The following TRAM1 variants were observed in gnomAD, a reference collection of about 807,000 sequenced individuals.
TRAM1 encodes translocating chain-associated membrane protein 1.
In TRAM1, 17 loss-of-function variants were observed where a neutral mutation model predicts 48.7. The observed-to-expected ratio is 0.35, with a 90% CI of 0.24 to 0.52. The LOEUF is 0.52. Ranked by LOEUF, TRAM1 falls within the 20% of genes least tolerant of loss-of-function variation. TRAM1 has a pLI of 0.94. For synonymous variants in TRAM1, 182 were observed against 154.0 expected (o/e 1.18, Z -1.34); for missense variants, 351 against 441.5 (o/e 0.79, Z 1.84).
At chr8:70,596,215 A>C (rs775610582) in intron 5 of TRAM1, 48 bp downstream of exon 5, 1 of 1,431,898 alleles carries the variant, frequency 7.0e-7, no homozygotes, top group South Asian at 1.4e-5. Context: ...ATTAATAGTG[A>C]CATGACCATG....
chr8:70,582,605 T>C (rs1432131464), intron 10 of TRAM1, among the ~76,000 whole-genome samples: 3 of 151,306 alleles, frequency 2.0e-5, no homozygotes, highest in African/African-American at 7.3e-5. Context: ...GGACATACTC[T>C]AAAAACTTCC....
intron 4 of TRAM1, among the ~76,000 whole-genome samples, chr8:70,597,553 C>T (rs1484830394): frequency 6.6e-6 from 1 of 150,440 alleles, no homozygotes; most frequent in Non-Finnish European, 1.5e-5. Context: ...GTCTGTAGTC[C>T]CAGCTACTTG....
chr8:70,586,778 A>C (rs1005472430), intron 8 of TRAM1, 117 bp downstream of exon 8: 1 of 800,882 alleles, frequency 1.2e-6, no homozygotes, highest in Middle Eastern at 2.8e-4. Context: ...TTTTATTTAA[A>C]GCGGCTACTG....
At chr8:70,593,939 T>C (rs1817424550) in intron 6 of TRAM1, among the ~76,000 whole-genome samples, 1 of 152,174 alleles carries the variant, frequency 6.6e-6, no homozygotes, top group Admixed American at 6.5e-5. Flanking sequence ...AAGGAGGATT[T>C]TGCAGTGCTC....
At chr8:70,589,089 T>C (rs1817292141) in intron 6 of TRAM1, among the ~76,000 whole-genome samples, 1 of 152,174 alleles carries the variant, frequency 6.6e-6, no homozygotes, top group Admixed American at 6.5e-5. Context: ...AGTTTTGAAA[T>C]GGAAAACTCT....
Position 70,607,706 on chromosome 8 carries a change from G to A in TRAM1, c.123+371C>T, listed in dbSNP as rs538967931. The A allele has an allele frequency of 5.6e-4, 92 of 165,008 alleles. 1 individual carries two copies. The South Asian group carries it at 9.3e-3, about 17-fold the overall frequency. 10.2% of individuals were successfully genotyped at this position (165,008 alleles called of 1,614,324 possible). A position where few individuals can be genotyped will look rare whatever the true frequency, so the allele number is the denominator to read the frequency against. On this transcript the variant is annotated intron_variant, in intron 1 of 10. Coordinates refer to ENST00000262213, the MANE Select transcript of TRAM1 (RefSeq NM_014294.6). ...CCACCCGCCCCGAGCCAGCTCGGCA[G>A]CGCAGGGGCCGCCCCCGCCCGCAGG...
intron 1 of TRAM1, among the ~76,000 whole-genome samples, chr8:70,604,971 A>G (rs962333827): frequency 1.8e-4 from 27 of 152,342 alleles, no homozygotes; most frequent in African/African-American, 6.0e-4. Flanking sequence ...TTATGTGGAC[A>G]GATATTTACT....
chr8:70,592,326 T>C (rs894100739), intron 6 of TRAM1, among the ~76,000 whole-genome samples: 6 of 152,310 alleles, frequency 3.9e-5, no homozygotes, highest in Non-Finnish European at 4.4e-5. Context: ...GTCTGTATGA[T>C]TGGTTCAAAA....
At chr8:70,593,468 C>A (rs1036565771) in intron 6 of TRAM1, among the ~76,000 whole-genome samples, 1 of 151,156 alleles carries the variant, frequency 6.6e-6, no homozygotes, top group African/African-American at 2.4e-5. Context: ...AGAAAAGATT[C>A]TGACATACCC....
At chr8:70,584,900 G>T (rs1259228464) in intron 8 of TRAM1, among the ~76,000 whole-genome samples, 1 of 152,088 alleles carries the variant, frequency 6.6e-6, no homozygotes, top group African/African-American at 2.4e-5. Context: ...AGCTACCAAT[G>T]ACTTTCTTCA....
intron 6 of TRAM1, among the ~76,000 whole-genome samples, chr8:70,590,918 G>C (rs141985330): frequency 5.6e-4 from 85 of 152,096 alleles, no homozygotes; most frequent in African/African-American, 2.0e-3. Context: ...TAAGAGAATG[G>C]GTAAATACTT....
At chr8:70,593,145 T>C (rs570661459) in intron 6 of TRAM1, among the ~76,000 whole-genome samples, 39 of 152,264 alleles carry the variant, frequency 2.6e-4, no homozygotes, top group African/African-American at 9.1e-4. Context: ...ATAAAAGAAA[T>C]CAGCATAAAA....
intron 10 of TRAM1, among the ~76,000 whole-genome samples, chr8:70,576,830 G>A (rs1225281857): frequency 6.6e-6 from 1 of 152,190 alleles, no homozygotes; most frequent in African/African-American, 2.4e-5. Context: ...CAGCCACCCA[G>A]CTGTAGTTCT....
rs753735159 is a variant in TRAM1 at position 70,597,998 on chromosome 8, C to T, written c.323G>A (p.Arg108Gln). Residue 108 changes from arginine to glutamine, a missense_variant, in exon 4 of 11, where the codon CGA becomes CAA. Arg to Gln is a conservative substitution (Grantham distance 43). Transcript: ENST00000262213. ...GTGTTTTGTTTTGGAGAAGTGCATT[C>T]GCCTGTTAATTTTCTAAAAATAAAA... The part of the protein sequence containing the change: ...QEYMLDKINR[R>Q]MHFSKTKHSK... 9 of 1,585,596 alleles carry T rather than the reference C, an allele frequency of 5.7e-6. No homozygotes were observed. The highest frequency in any genetic ancestry group is 2.3e-5 in the East Asian group (1 of 44,210).
intron 6 of TRAM1, chr8:70,587,408 A>C: frequency 2.1e-6 from 1 of 470,306 alleles, no homozygotes; most frequent in Non-Finnish European, 3.8e-6. Flanking sequence ...TCTGAAAGCT[A>C]TTCTGCTCCC....
intron 6 of TRAM1, among the ~76,000 whole-genome samples, chr8:70,589,311 C>T (rs1334280206): frequency 6.6e-6 from 1 of 152,126 alleles, no homozygotes; most frequent in African/African-American, 2.4e-5. Context: ...AATATTTCAG[C>T]TTACAAAAGG....
chr8:70,583,358 T>C (rs771622193), intron 9 of TRAM1, 34 bp from the exon 10 acceptor site: 11 of 1,593,770 alleles, frequency 6.9e-6, no homozygotes, highest in Non-Finnish European at 9.4e-6. Flanking sequence ...AGTTAGTGTA[T>C]AAAAAACAAT....
At chr8:70,594,385 A>T in intron 6 of TRAM1, 121 bp downstream of exon 6, 2 of 460,610 alleles carry the variant, frequency 4.3e-6, no homozygotes, top group East Asian at 4.5e-5. Context: ...ATGATGGGGT[A>T]AGAGTTGAGG....
intron 8 of TRAM1, among the ~76,000 whole-genome samples, chr8:70,585,100 G>A (rs1169455756): frequency 2.6e-5 from 4 of 152,136 alleles, no homozygotes; most frequent in Non-Finnish European, 5.9e-5. Flanking sequence ...CAATGGAACA[G>A]AACAGAGCCC....
Sources: allele counts gnomAD v4.1 joint callset (sites outside exome capture counted in the v4.1 genomes callset), GRCh38; gene constraint gnomAD v4.1.1; transcripts MANE v1.5; gene names NCBI Gene and HGNC (gene_info 2026-07-23, HGNC 2026-07-21).